The following NEBL variants were observed in gnomAD, a reference collection of about 807,000 sequenced individuals.
NEBL encodes the protein LIM and SH3 protein 2.
Under a neutral mutation model 140.2 loss-of-function variants are expected in NEBL, and 122 were observed. That is an observed-to-expected ratio of 0.87 (90% CI 0.75 to 1.01). NEBL has a LOEUF of 1.01. NEBL is among the 50% of genes least tolerant of loss of function. The probability of loss-of-function intolerance (pLI) is 0.00; values close to 1 mark genes in which losing one functional copy is unlikely to be tolerated. For missense variants in NEBL, 1,365 were observed against 1,231.3 expected, an observed-to-expected ratio of 1.11 and a Z score of -1.62; for synonymous variants, 436 against 398.9, an observed-to-expected ratio of 1.09 and a Z score of -1.11.
chr10:21,043,556 A>T (rs760548627), intron 2 of NEBL, among the ~76,000 whole-genome samples: 1 of 152,240 alleles, frequency 6.6e-6, no homozygotes, highest in Non-Finnish European at 1.5e-5. Context: ...AGACACACAT[A>T]CATGATTAAA....
chr10:21,054,262 T>C (rs1770909456), intron 2 of NEBL, among the ~76,000 whole-genome samples: 2 of 152,192 alleles, frequency 1.3e-5, no homozygotes, highest in Non-Finnish European at 2.9e-5. Flanking sequence ...TTCTGTTTGT[T>C]GTTATTGTTA....
At chr10:20,874,458 A>C (rs1845287838) in intron 5 of NEBL, among the ~76,000 whole-genome samples, 1 of 152,204 alleles carries the variant, frequency 6.6e-6, no homozygotes, top group African/African-American at 2.4e-5. Context: ...CTCTGAGATC[A>C]GCTGCTGTAA....
chr10:21,119,500 CAT>C (rs902816146), intron 2 of NEBL, among the ~76,000 whole-genome samples: 4 of 148,256 alleles, frequency 2.7e-5, no homozygotes, highest in African/African-American at 9.9e-5. Flanking sequence ...CTGAATATAA[CAT>C]ATATAGTTAT....
intron 3 of NEBL, among the ~76,000 whole-genome samples, chr10:21,225,555 T>G (rs2132248874): frequency 6.6e-6 from 1 of 152,316 alleles, no homozygotes; most frequent in Non-Finnish European, 1.5e-5. Context: ...GGAATCTACC[T>G]GGTGCTCTGT....
chr10:20,903,821 G>A (rs1013591914), intron 4 of NEBL, among the ~76,000 whole-genome samples: 2 of 151,272 alleles, frequency 1.3e-5, no homozygotes, highest in Non-Finnish European at 2.9e-5. Flanking sequence ...CTAAGCTACT[G>A]GTATGCAAAG....
intron 2 of NEBL, among the ~76,000 whole-genome samples, chr10:21,123,497 G>A (rs533343243): frequency 2.0e-5 from 3 of 152,000 alleles, no homozygotes; most frequent in East Asian, 1.9e-4. Context: ...TTTATGTCAC[G>A]AGAGCCCTGA....
chr10:20,807,673 A>G (rs1326954324), intron 26 of NEBL, among the ~76,000 whole-genome samples: 1 of 152,104 alleles, frequency 6.6e-6, no homozygotes, highest in African/African-American at 2.4e-5. Context: ...AAAATTTCCT[A>G]CCTTTGGGAT....
At chr10:21,247,254 G>T (rs752571767) in intron 3 of NEBL, among the ~76,000 whole-genome samples, 5 of 152,098 alleles carry the variant, frequency 3.3e-5, no homozygotes, top group African/African-American at 1.2e-4. Flanking sequence ...ACTAATATAC[G>T]TACAACGGAA....
intron 4 of NEBL, among the ~76,000 whole-genome samples, chr10:20,942,434 T>G (rs59952920): frequency 1.3e-5 from 2 of 152,098 alleles, no homozygotes; most frequent in Non-Finnish European, 2.9e-5. Flanking sequence ...ATACAAAAAT[T>G]AATTCAAGAT....
chr10:21,209,806 G>A (rs529479724), intron 3 of NEBL, among the ~76,000 whole-genome samples: 1 of 152,146 alleles, frequency 6.6e-6, no homozygotes, highest in Admixed American at 6.5e-5. Flanking sequence ...CCTGGGTCCA[G>A]AAGGGATTGT....
At chr10:21,290,993 C>T (rs1488357357) in intron 1 of NEBL, among the ~76,000 whole-genome samples, 3 of 152,172 alleles carry the variant, frequency 2.0e-5, no homozygotes, top group African/African-American at 4.8e-5. Flanking sequence ...AGGGAAAATT[C>T]TCCTCACCGC....
intron 3 of NEBL, among the ~76,000 whole-genome samples, chr10:20,988,535 T>TC (rs911472237): frequency 6.6e-6 from 1 of 151,972 alleles, no homozygotes; most frequent in African/African-American, 2.4e-5. Context: ...ATAAGTCCTA[T>TC]CCCCCCTTGC....
chr10:20,938,648 AGGAGGAAGTTCGAACCCATG>A (rs1385852442), intron 4 of NEBL, among the ~76,000 whole-genome samples: 3 of 152,200 alleles, frequency 2.0e-5, no homozygotes, highest in Non-Finnish European at 4.4e-5. Flanking sequence ...TCTGAGCTAA[AGGAGGAAGTTCGAACCCATG>A]GCAAAGAAGT....
At chr10:21,175,586 A>G (rs866985066), upstream of NEBL, among the ~76,000 whole-genome samples, 1 of 152,238 alleles carries the variant, frequency 6.6e-6, no homozygotes, top group Non-Finnish European at 1.5e-5. Flanking sequence ...TGATGGACAT[A>G]TTCATAATAA....
chr10:21,238,805 C>T (rs1842398138), intron 3 of NEBL, among the ~76,000 whole-genome samples: 1 of 151,776 alleles, frequency 6.6e-6, no homozygotes, highest in African/African-American at 2.4e-5. Flanking sequence ...TTTAAGATCC[C>T]CCCCAAAAGC....
chr10:21,116,381 T>C (rs890571372), intron 2 of NEBL, among the ~76,000 whole-genome samples: 10 of 152,106 alleles, frequency 6.6e-5, no homozygotes, highest in East Asian at 1.9e-4. Context: ...TATCTCTCTC[T>C]TCTTCTTCTT....
intron 3 of NEBL, among the ~76,000 whole-genome samples, chr10:20,967,071 G>A (rs1160020781): frequency 2.1e-5 from 3 of 144,982 alleles, no homozygotes; most frequent in Non-Finnish European, 3.1e-5. Context: ...ATTCAAGGAT[G>A]GGCACATCCT....
chr10:20,880,698 G>A, intron 5 of NEBL, 96 bp downstream of exon 5: 1 of 890,764 alleles, frequency 1.1e-6, no homozygotes, highest in Non-Finnish European at 1.9e-6. Flanking sequence ...TTTGAACAGG[G>A]CTGTTGTAAT....
Position 21,082,535 on chromosome 10 carries a change from T to TAAAAAAAAAAAAAAAAAAAAA in NEBL, c.165-62355_165-62335dup, listed in dbSNP as rs61234594. 2.6e-4 allele frequency among the ~76,000 whole-genome samples: 31 copies of TAAAAAAAAAAAAAAAAAAAAA among 117,280 alleles called. 3 individuals carry two copies. Among genetic ancestry groups the TAAAAAAAAAAAAAAAAAAAAA allele is most frequent in the African/African-American group, 1.1e-3 (27 of 25,262 alleles). The allele number at this position is 117,280 out of a possible 152,430, so 76.9% of individuals were successfully genotyped here. ...AGTTTGAAGTGTTCCCCACCACCAC[T>TAAAAAAAAAAAAAAAAAAAAA]AAAAAAAAAAAAAAAAAAAAAAAAA... is the stretch of plus-strand genomic sequence containing the variant. On this transcript the variant is annotated intron_variant, in intron 2 of 6. Coordinates refer to the NEBL transcript ENST00000417816.
Sources: allele counts gnomAD v4.1 joint callset (sites outside exome capture counted in the v4.1 genomes callset), GRCh38; gene constraint gnomAD v4.1.1; transcripts MANE v1.5; gene names NCBI Gene and HGNC (gene_info 2026-07-23, HGNC 2026-07-21).